The following POLR1A variants were observed in gnomAD, a reference collection of about 807,000 sequenced individuals.
POLR1A encodes RNA polymerase I subunit A.
A neutral mutation model predicts 205.3 loss-of-function variants in POLR1A; 84 were observed. The observed-to-expected ratio is 0.41, with a 90% CI of 0.34 to 0.49. The LOEUF is 0.49. Among genes scored for constraint, POLR1A ranks in the 20% least tolerant of loss-of-function variants. The pLI, the probability that POLR1A is intolerant of heterozygous loss-of-function variation, is 0.22. For synonymous variants in POLR1A, 799 were observed against 863.7 expected, an observed-to-expected ratio of 0.93 and a Z score of 1.31; for missense variants, 1,645 against 2,204.5, an observed-to-expected ratio of 0.75 and a Z score of 5.08.
intron 3 of POLR1A, among the ~76,000 whole-genome samples, chr2:86,095,421 T>C (rs745756637): frequency 1.3e-5 from 2 of 152,200 alleles, no homozygotes; most frequent in African/African-American, 2.4e-5. Flanking sequence ...GTATTGAAAA[T>C]CTAAAAATAT....
At chr2:86,066,077 G>A (rs1189511637) in intron 13 of POLR1A, among the ~76,000 whole-genome samples, 1 of 152,176 alleles carries the variant, frequency 6.6e-6, no homozygotes, top group East Asian at 1.9e-4. Context: ...AAAATAACAG[G>A]GTGGGTCATA....
rs1198223754 is a variant in POLR1A at position 86,031,315 on chromosome 2, C to T, written c.4578+15G>A. On this transcript the variant is annotated intron_variant, in intron 30 of 33. Coordinates refer to ENST00000263857, the MANE Select transcript of POLR1A (RefSeq NM_015425.6). ...GACCAACCACCCAAGCCCTGGCCTG[C>T]ACGGCCACACTGACCTGGCACCACA... 6.5e-6 allele frequency: 10 copies of T among 1,532,050 alleles called. No homozygotes were observed. Among genetic ancestry groups the T allele is most frequent in the Non-Finnish European group, 8.8e-6 (10 of 1,137,880 alleles). The allele number at this position is 1,532,050 out of a possible 1,614,324, so 94.9% of individuals were successfully genotyped here.
chr2:86,081,041 C>T (rs1673391856), intron 8 of POLR1A, 63 bp from the exon 9 acceptor site: 6 of 1,472,590 alleles, frequency 4.1e-6, no homozygotes, highest in Non-Finnish European at 5.6e-6. Flanking sequence ...GTTCTTCAGC[C>T]TCTCACCCAT....
chr2:86,081,871 G>A (rs138695267), intron 7 of POLR1A, among the ~76,000 whole-genome samples, 165 bp from the exon 8 acceptor site: 1,732 of 152,260 alleles, frequency 0.011, 29 homozygotes, highest in African/African-American at 0.039. Flanking sequence ...CACTCCTGTC[G>A]CCCAGGCTGC....
chr2:86,030,493 C>A, intron 30 of POLR1A, 97 bp from the exon 31 acceptor site: 1 of 867,094 alleles, frequency 1.2e-6, no homozygotes, highest in Non-Finnish European at 1.9e-6. Context: ...CAGGAACTCC[C>A]TGGCTGGGGG....
rs147414287 is a variant in POLR1A, at chr2:86,096,721, T to C, written c.432+1890A>G. Among the ~76,000 whole-genome samples, 268 of 152,156 alleles carry C rather than the reference T, an allele frequency of 1.8e-3. 8 individuals carry two copies. The highest frequency in any genetic ancestry group is 0.012 in the Admixed American group (183 of 15,278). The stretch of plus-strand genomic sequence containing the variant: ...TGATGCTGGGAAAACTAGATATCCA[T>C]ATGCAGAAGAATGAAACTAGATCTC... On this transcript the variant is annotated intron_variant, in intron 3 of 33. Transcript: ENST00000263857.
chr2:86,056,605 G>A (rs573318222), intron 14 of POLR1A, among the ~76,000 whole-genome samples: 1 of 152,292 alleles, frequency 6.6e-6, no homozygotes, highest in African/African-American at 2.4e-5. Context: ...CACAGCTAGC[G>A]AGAAGTCTGG....
intron 22 of POLR1A, among the ~76,000 whole-genome samples, chr2:86,043,902 G>C (rs1322341208): frequency 6.6e-6 from 1 of 152,220 alleles, no homozygotes; most frequent in Non-Finnish European, 1.5e-5. Context: ...TGGCCCCAAA[G>C]AGTAGGTATT....
At chr2:86,040,594 G>T (rs771451884) in intron 24 of POLR1A, 35 bp from the exon 25 acceptor site, 32 of 1,477,822 alleles carry the variant, frequency 2.2e-5, no homozygotes, top group Non-Finnish European at 2.7e-5. Flanking sequence ...GGTGGGGGTT[G>T]TGGCAGGGGT....
chr2:86,049,119 A>G (rs1002526530), intron 17 of POLR1A, 41 bp downstream of exon 17: 3 of 1,609,340 alleles, frequency 1.9e-6, no homozygotes, highest in Non-Finnish European at 2.6e-6. Context: ...CACACACTTC[A>G]CCCCTCTAGG....
intron 6 of POLR1A, among the ~76,000 whole-genome samples, chr2:86,086,308 C>T (rs948916994): frequency 6.6e-6 from 1 of 152,190 alleles, no homozygotes; most frequent in Non-Finnish European, 1.5e-5. Context: ...GATCTGCCTG[C>T]CTCCTGACTT....
intron 6 of POLR1A, among the ~76,000 whole-genome samples, chr2:86,087,771 G>A (rs931434634): frequency 6.6e-6 from 1 of 152,082 alleles, no homozygotes; most frequent in East Asian, 1.9e-4. Context: ...TTGAACTCCA[G>A]ACCTCAAGTG....
At chr2:86,099,773 A>T (rs1673779862) in intron 2 of POLR1A, among the ~76,000 whole-genome samples, 195 bp downstream of exon 2, 1 of 152,148 alleles carries the variant, frequency 6.6e-6, no homozygotes, top group African/African-American at 2.4e-5. Context: ...AATCAAACTG[A>T]TATTCATTTA....
At position 86,023,285 on chromosome 2, in the gene POLR1A, G is replaced by C. The variant is rs920272447; in HGVS notation, c.*4138C>G. 6.6e-6 allele frequency: 1 copy of C among 152,194 alleles called. No individual in the cohort carries two copies. Among genetic ancestry groups the C allele is most frequent in the Non-Finnish European group, 1.5e-5 (1 of 68,038 alleles). The allele number at this position is 152,194 out of a possible 1,614,324, so 9.4% of individuals were successfully genotyped here. On this transcript the variant is annotated 3_prime_UTR_variant, in exon 34 of 34. Coordinates refer to ENST00000263857, the MANE Select transcript of POLR1A (RefSeq NM_015425.6). ...CAACCTCAAGGGCAGGCTGTGGTAC[G>C]GGGCTGCCCCACTGAGCCATCTGCA...
chr2:86,068,066 T>A (rs1673112444), intron 13 of POLR1A, among the ~76,000 whole-genome samples: 1 of 152,194 alleles, frequency 6.6e-6, no homozygotes, highest in Admixed American at 6.5e-5. Context: ...GTCAGCCCAC[T>A]GCAGGACACA....
chr2:86,038,729 G>C lies in POLR1A; in HGVS notation c.4005C>G (p.Pro1335=). ...AYYQQEKCLR[P]EDILRFMETR... is the part of the protein sequence containing the mutation. ...TTTCCATGAAGCGCAGGATGTCCTC[G>C]GGTCTCAGGCACTTCTCCTGCTGGT... Residue 1335 remains proline, a synonymous_variant, in exon 27 of 34, where the codon CCC becomes CCG. Transcript: ENST00000263857. 1 of 1,613,892 alleles carries C rather than the reference G, an allele frequency of 6.2e-7. No homozygotes were observed. Among genetic ancestry groups the C allele is most frequent in the Non-Finnish European group, 8.5e-7 (1 of 1,179,956 alleles).
chr2:86,093,245 G>C (rs536002898), intron 3 of POLR1A, among the ~76,000 whole-genome samples: 1 of 152,172 alleles, frequency 6.6e-6, no homozygotes, highest in South Asian at 2.1e-4. Flanking sequence ...GTGAAATGTC[G>C]AAAGGGTTCC....
intron 29 of POLR1A, 58 bp from the exon 30 acceptor site, chr2:86,031,693 C>G (rs967483958): frequency 2.8e-5 from 44 of 1,560,980 alleles, no homozygotes; most frequent in Non-Finnish European, 3.6e-5. Context: ...TACCTGGACT[C>G]TGCCTGTGGA....
At chr2:86,082,658 G>C (rs1673425501) in intron 7 of POLR1A, among the ~76,000 whole-genome samples, 1 of 151,996 alleles carries the variant, frequency 6.6e-6, no homozygotes, top group Non-Finnish European at 1.5e-5. Context: ...ATACTGCGTA[G>C]GTTTTGTTAT....
Sources: allele counts gnomAD v4.1 joint callset (sites outside exome capture counted in the v4.1 genomes callset), GRCh38; gene constraint gnomAD v4.1.1; transcripts MANE v1.5; gene names NCBI Gene and HGNC (gene_info 2026-07-23, HGNC 2026-07-21).